Variants in ADK observed in about 807,000 individuals in gnomAD.
ADK encodes adenosine kinase.
ADK carries 24 observed loss-of-function variants against 44.7 expected under a neutral mutation model. That is an observed-to-expected ratio of 0.54 (90% CI 0.39 to 0.76). The LOEUF (loss-of-function observed/expected upper bound fraction) is 0.76. ADK is among the 30% of genes least tolerant of loss of function. The pLI is 0.00. For synonymous variants in ADK, 128 were observed against 142.6 expected (o/e 0.90, Z 0.73); for missense variants, 321 against 425.1 (o/e 0.76, Z 2.15).
At chr10:74,470,222 A>G (rs1036431541) in intron 6 of ADK, among the ~76,000 whole-genome samples, 3 of 151,738 alleles carry the variant, frequency 2.0e-5, no homozygotes, top group African/African-American at 7.3e-5. Flanking sequence ...ACAGGGTTTC[A>G]CCACATTGGC....
chr10:74,664,887 G>A (rs967929410), intron 9 of ADK, among the ~76,000 whole-genome samples: 2 of 152,120 alleles, frequency 1.3e-5, no homozygotes, highest in Non-Finnish European at 2.9e-5. Flanking sequence ...TTCTATACCA[G>A]ATGAAAAATA....
At chr10:74,609,192 G>A (rs1852451228) in intron 9 of ADK, among the ~76,000 whole-genome samples, 1 of 152,134 alleles carries the variant, frequency 6.6e-6, no homozygotes, top group Non-Finnish European at 1.5e-5. Context: ...GGCAGGATCC[G>A]CTGAGCTAGA....
At chr10:74,616,394 T>C (rs535421974) in intron 9 of ADK, among the ~76,000 whole-genome samples, 1 of 152,272 alleles carries the variant, frequency 6.6e-6, no homozygotes, top group South Asian at 2.1e-4. Flanking sequence ...AATTTATATA[T>C]ATATATAAGG....
At chr10:74,661,303 A>C in intron 9 of ADK, 1 of 968,980 alleles carries the variant, frequency 1.0e-6, no homozygotes. Flanking sequence ...TAGTAGCAAC[A>C]TTACTTGAAT....
intron 2 of ADK, among the ~76,000 whole-genome samples, chr10:74,205,466 A>G (rs574672070): frequency 8.5e-5 from 13 of 152,220 alleles, no homozygotes; most frequent in African/African-American, 2.9e-4. Flanking sequence ...ACTTGAGGTC[A>G]GGAGTTTGAG....
At chr10:74,175,236 T>A (rs1276744936) in intron 1 of ADK, among the ~76,000 whole-genome samples, 3 of 151,974 alleles carry the variant, frequency 2.0e-5, no homozygotes, top group African/African-American at 7.2e-5. Context: ...CAAAAAAATT[T>A]AGCCAGGTAC....
intron 1 of ADK, among the ~76,000 whole-genome samples, chr10:74,171,572 C>G (rs1006566727): frequency 6.6e-6 from 1 of 152,156 alleles, no homozygotes; most frequent in African/African-American, 2.4e-5. Context: ...ATTTACATAT[C>G]AGTCTTACGA....
At chr10:74,372,144 G>A (rs955062256) in intron 4 of ADK, 6 of 751,158 alleles carry the variant, frequency 8.0e-6, no homozygotes, top group Admixed American at 1.7e-5. Context: ...TCTCTACAGA[G>A]ATCCTAAAGA....
At chr10:74,438,978 C>G (rs532636484) in intron 6 of ADK, among the ~76,000 whole-genome samples, 1 of 152,170 alleles carries the variant, frequency 6.6e-6, no homozygotes, top group Non-Finnish European at 1.5e-5. Flanking sequence ...TATCTACATT[C>G]TGAACCAAAA....
In ADK at chr10:74,619,532, T is replaced by C. The variant is rs146730738; in HGVS notation, c.877+19039T>C. 4.0e-3 allele frequency among the ~76,000 whole-genome samples: 602 copies of C among 152,306 alleles called. 2 individuals are homozygous for C. Among genetic ancestry groups the C allele is most frequent in the Non-Finnish European group, 6.1e-3 (417 of 68,026 alleles). On this transcript the variant is annotated intron_variant, in intron 9 of 10. Coordinates refer to ENST00000539909, the MANE Select transcript of ADK (RefSeq NM_006721.4). ...TTCTAAAGTATCTGATTATTTCTTATTCATCCTAGTTCTGTAGTATAATCC... is the reference window on the plus strand; with the variant it reads ...TTCTAAAGTATCTGATTATTTCTTACTCATCCTAGTTCTGTAGTATAATCC...
chr10:74,384,925 A>G (rs2132017597), intron 4 of ADK, among the ~76,000 whole-genome samples: 1 of 152,322 alleles, frequency 6.6e-6, no homozygotes, highest in Middle Eastern at 3.4e-3. Flanking sequence ...ATTGAAGGAC[A>G]TTTTAGGAAG....
intron 6 of ADK, among the ~76,000 whole-genome samples, chr10:74,457,242 A>T (rs1374978531): frequency 6.6e-6 from 1 of 152,242 alleles, no homozygotes; most frequent in African/African-American, 2.4e-5. Context: ...AGAAATGGAT[A>T]CATTGCTGGT....
rs577709054 is a variant in ADK at position 74,331,696 on chromosome 10, G to A, written c.273+16951G>A. On this transcript the variant is annotated intron_variant, in intron 4 of 10. Transcript: ENST00000539909. Reference sequence around the variant, plus strand: ...AGACGGGATTTCATCATGTTGGCAAGGTTGGTCTCAAACTCCTGACTTCAG... The same window carrying A: ...AGACGGGATTTCATCATGTTGGCAAAGTTGGTCTCAAACTCCTGACTTCAG... Among the ~76,000 whole-genome samples, 7 of 152,284 alleles carry A rather than the reference G, an allele frequency of 4.6e-5. No individual in the cohort carries two copies. In the East Asian group the frequency reaches 1.4e-3, roughly 29 times the overall value.
At chr10:74,232,812 G>A (rs1372392432) in intron 3 of ADK, among the ~76,000 whole-genome samples, 1 of 152,118 alleles carries the variant, frequency 6.6e-6, no homozygotes, top group Admixed American at 6.5e-5. Flanking sequence ...TTTTAGTAGA[G>A]GCAGGGTTTC....
intron 9 of ADK, among the ~76,000 whole-genome samples, chr10:74,666,453 A>T (rs1276213172): frequency 6.6e-6 from 1 of 152,182 alleles, no homozygotes; most frequent in Non-Finnish European, 1.5e-5. Context: ...AGAAAGTAGG[A>T]ATAATAATTA....
At chr10:74,289,028 G>A (rs374645939) in intron 3 of ADK, among the ~76,000 whole-genome samples, 2 of 152,260 alleles carry the variant, frequency 1.3e-5, no homozygotes, top group South Asian at 2.1e-4. Flanking sequence ...GAATGAAGCA[G>A]CTCACACACT....
chr10:74,686,853 A>AT (rs1433125495), intron 10 of ADK, among the ~76,000 whole-genome samples: 1 of 151,284 alleles, frequency 6.6e-6, no homozygotes, highest in Non-Finnish European at 1.5e-5. Context: ...AATTTTTTGT[A>AT]TTTTAGTAGA....
chr10:74,573,976 C>T (rs945087865), intron 7 of ADK, among the ~76,000 whole-genome samples: 2 of 152,192 alleles, frequency 1.3e-5, no homozygotes, highest in South Asian at 2.1e-4. Context: ...GGCAATGCCT[C>T]GCCCTGCTTT....
At position 74,333,391 on chromosome 10, in the gene ADK, G is replaced by A. The variant is rs189272328; in HGVS notation, c.273+18646G>A. 4.5e-3 allele frequency among the ~76,000 whole-genome samples: 685 copies of A among 152,272 alleles called. 8 individuals are homozygous for A. The highest frequency in any genetic ancestry group is 7.2e-3 in the Non-Finnish European group (493 of 68,004). The stretch of plus-strand genomic sequence containing the variant: ...AGAAGTATAACGCCATAGAAGGCAT[G>A]AGCATTAGTAATCCAGTCAGAGAGG... On this transcript the variant is annotated intron_variant, in intron 4 of 10. Coordinates refer to ENST00000539909, the MANE Select transcript of ADK (RefSeq NM_006721.4).
Sources: gnomAD v4.1 joint callset for allele counts (sites outside exome capture counted in the v4.1 genomes callset) on GRCh38, gnomAD v4.1.1 for gene constraint, MANE v1.5 for transcripts, NCBI Gene and HGNC (gene_info 2026-07-23, HGNC 2026-07-21) for gene names.